ZNF714: variants seen among roughly 807,000 people sequenced by gnomAD.
The protein encoded by ZNF714 is zinc finger protein 714.
In ZNF714, 32 loss-of-function variants were observed where a neutral mutation model predicts 46.2. The ratio of observed to expected loss-of-function variants is 0.69; its 90% CI spans 0.52 to 0.93. The LOEUF (loss-of-function observed/expected upper bound fraction) is 0.93, where lower values mean the gene tolerates loss of function less well. ZNF714 is among the 40% of genes least tolerant of loss of function. The pLI, the probability that ZNF714 is intolerant of heterozygous loss-of-function variation, is 0.00. For missense variants in ZNF714, 635 were observed against 646.3 expected, an observed-to-expected ratio of 0.98 and a Z score of 0.19; for synonymous variants, 199 against 213.1, an observed-to-expected ratio of 0.93 and a Z score of 0.58.
intron 4 of ZNF714, among the ~76,000 whole-genome samples, chr19:21,102,788 G>A (rs1301235041): frequency 2.6e-5 from 4 of 152,038 alleles, no homozygotes; most frequent in African/African-American, 9.7e-5. Flanking sequence ...GATTTTATGA[G>A]TAAACATGTC....
chr19:21,108,567 G>A (rs544569903), intron 4 of ZNF714, among the ~76,000 whole-genome samples: 6 of 152,248 alleles, frequency 3.9e-5, no homozygotes, highest in Admixed American at 2.6e-4. Context: ...TTCACCTCAC[G>A]CTTGCCGTCT....
intron 2 of ZNF714, among the ~76,000 whole-genome samples, chr19:21,089,733 C>T (rs2144826043): frequency 6.6e-6 from 1 of 152,202 alleles, no homozygotes; most frequent in South Asian, 2.1e-4. Context: ...TACAGAAAGA[C>T]AAATTTATAG....
At position 21,122,159 on chromosome 19, in the gene ZNF714, G is replaced by A. The variant is rs1276821303; in HGVS notation, c.*3827G>A. 6.6e-6 allele frequency: 1 copy of A among 152,084 alleles called. No individual in the cohort carries two copies. 9.4% of individuals were successfully genotyped at this position (152,084 alleles called of 1,614,324 possible). A position where few individuals can be genotyped will look rare whatever the true frequency, so the allele number is the denominator to read the frequency against. On this transcript the variant is annotated 3_prime_UTR_variant, in exon 5 of 5. Transcript: ENST00000456283. ...ACTGGGGGGCTTCATAAGTCATGAG[G>A]ATGTTTTTATATATAAATGTAGCAA...
chr19:21,098,974 A>AG (rs1969108227), intron 4 of ZNF714, 64 bp downstream of exon 4: 6 of 1,023,006 alleles, frequency 5.9e-6, no homozygotes, highest in South Asian at 3.7e-5. Flanking sequence ...AAAAAAAAAA[A>AG]GCAAGCCGGC....
At chr19:21,094,935 T>C (rs2144836125) in intron 2 of ZNF714, among the ~76,000 whole-genome samples, 1 of 152,350 alleles carries the variant, frequency 6.6e-6, no homozygotes, top group Non-Finnish European at 1.5e-5. Context: ...ACATGCTTGT[T>C]AGCCACATGT....
intron 2 of ZNF714, among the ~76,000 whole-genome samples, chr19:21,093,578 C>T (rs1218323949): frequency 1.3e-5 from 2 of 151,958 alleles, no homozygotes; most frequent in African/African-American, 4.8e-5. Context: ...GCCACATAAT[C>T]TTCCATCATG....
intron 4 of ZNF714, among the ~76,000 whole-genome samples, chr19:21,115,854 G>T (rs1969584286): frequency 6.7e-6 from 1 of 149,890 alleles, no homozygotes; most frequent in Non-Finnish European, 1.5e-5. Context: ...CTGTTTTTTG[G>T]ATATTTTAAA....
At position 21,116,956 on chromosome 19, in the gene ZNF714, T is replaced by C. The variant is rs748890835; in HGVS notation, c.292T>C (p.Tyr98His). Residue 98 changes from tyrosine to histidine, a missense_variant, in exon 5 of 5, where the codon TAC (tyrosine) becomes CAC (histidine). Transcript: ENST00000456283. ...GSANVVECKVYKKGYNELNQC... is the reference protein window; with the variant it reads ...GSANVVECKVHKKGYNELNQC... ...CGCAAATGTGGTTGAGTGTAAGGTG[T>C]ACAAAAAAGGTTATAATGAACTAAA... 13 of 1,609,954 alleles carry C rather than the reference T, an allele frequency of 8.1e-6. No individual in the cohort carries two copies. Among genetic ancestry groups the C allele is most frequent in the Non-Finnish European group, 1.0e-5 (12 of 1,179,428 alleles).
At chr19:21,115,462 G>A (rs1222587177) in intron 4 of ZNF714, among the ~76,000 whole-genome samples, 1 of 151,864 alleles carries the variant, frequency 6.6e-6, no homozygotes, top group East Asian at 1.9e-4. Flanking sequence ...GGCATATGAA[G>A]TGCCAATATT....
intron 1 of ZNF714, 130 bp downstream of exon 1, chr19:21,082,478 C>T (rs1291310692): frequency 6.4e-6 from 6 of 940,624 alleles, no homozygotes; most frequent in Middle Eastern, 2.6e-4. Flanking sequence ...TCTCCTTGCT[C>T]AGCTCGGCCT....
chr19:21,098,004 C>T (rs1489757367), intron 2 of ZNF714, among the ~76,000 whole-genome samples, 181 bp from the exon 3 acceptor site: 1 of 152,162 alleles, frequency 6.6e-6, no homozygotes, highest in Non-Finnish European at 1.5e-5. Context: ...TTATGCCATT[C>T]TCTGCCCTCA....
In ZNF714 at chr19:21,117,711, CT is replaced by C. The variant is rs1453903329; in HGVS notation, c.1050del (p.Phe350LeufsTer12). ...ACAAATGTGAAGAATGTGGCAAAGC[CT>C]TTAATGTGTCTTCACACCTTACTAC... ...PYKCEECGKA[F>X]NVSSHLTTHK... On this transcript the variant is annotated frameshift_variant, in exon 5 of 5. Transcript: ENST00000456283. LOFTEE classifies it high-confidence loss of function. 1 of 1,602,436 alleles carries C rather than the reference CT, an allele frequency of 6.2e-7. No individual in the cohort carries two copies. The highest frequency in any genetic ancestry group is 8.5e-7 in the Non-Finnish European group (1 of 1,174,768).
rs559759939 is a variant in ZNF714, at chr19:21,120,137, T to G, written c.*1805T>G. 2 of 152,248 alleles carry G rather than the reference T, an allele frequency of 1.3e-5. No individual in the cohort carries two copies. The highest frequency in any genetic ancestry group is 4.8e-5 in the African/African-American group (2 of 41,532). 9.4% of individuals were successfully genotyped at this position (152,248 alleles called of 1,614,324 possible). On this transcript the variant is annotated 3_prime_UTR_variant, in exon 5 of 5. Coordinates refer to ENST00000456283, the MANE Select transcript of ZNF714 (RefSeq NM_182515.4). ...GCTCACTGCAACCTTCAATTTCCAG[T>G]TTCAAGCGATTCTCCTCCCTCAGCC...
intron 2 of ZNF714, chr19:21,091,724 G>A (rs532813241): frequency 6.6e-6 from 1 of 151,202 alleles, no homozygotes; most frequent in Non-Finnish European, 1.5e-5. Flanking sequence ...GACTTTTCCT[G>A]GGTTGTACTT....
chr19:21,110,824 C>T (rs375509935), intron 4 of ZNF714, among the ~76,000 whole-genome samples: 1 of 152,152 alleles, frequency 6.6e-6, no homozygotes, highest in African/African-American at 2.4e-5. Flanking sequence ...GTTCTCCCAG[C>T]ACCATTTATT....
intron 2 of ZNF714, among the ~76,000 whole-genome samples, chr19:21,088,346 A>G (rs1182662367): frequency 1.3e-5 from 2 of 152,160 alleles, no homozygotes; most frequent in Non-Finnish European, 2.9e-5. Flanking sequence ...CTTTTCTTAT[A>G]TAAAATCTCT....
chr19:21,117,935 T>G lies in ZNF714; in HGVS notation c.1271T>G (p.Leu424Arg). ...KHKIIHTGEK[L>R]YKCEECGKAF... ...AAGATAATTCATACTGGAGAGAAACTCTACAAATGTGAAGAATGTGGCAAA... is the reference window on the plus strand; with the variant it reads ...AAGATAATTCATACTGGAGAGAAACGCTACAAATGTGAAGAATGTGGCAAA... The change falls in exon 5 of 5, where the codon CTC becomes CGC. Residue 424 changes from leucine to arginine, a missense_variant. Leu to Arg is a moderately radical substitution (Grantham distance 102, BLOSUM62 -2). Coordinates refer to ENST00000456283, the MANE Select transcript of ZNF714 (RefSeq NM_182515.4). The G allele has an allele frequency of 6.4e-7, 1 of 1,567,686 alleles. No homozygotes were observed. The highest frequency in any genetic ancestry group is 1.6e-5 in the African/African-American group (1 of 62,426).
chr19:21,112,849 G>C (rs1347510673), intron 4 of ZNF714, among the ~76,000 whole-genome samples: 1 of 20,780 alleles, frequency 4.8e-5, no homozygotes, highest in East Asian at 3.0e-3. Context: ...TTGAGACGGA[G>C]TCTCGCTCTG....
At chr19:21,101,262 C>T (rs1969173882) in intron 4 of ZNF714, among the ~76,000 whole-genome samples, 1 of 152,172 alleles carries the variant, frequency 6.6e-6, no homozygotes, top group African/African-American at 2.4e-5. Context: ...TATCTGGTTT[C>T]AGGAGGTAAA....
Sources: allele counts gnomAD v4.1 joint callset (sites outside exome capture counted in the v4.1 genomes callset), GRCh38; gene constraint gnomAD v4.1.1; transcripts MANE v1.5; gene names NCBI Gene and HGNC (gene_info 2026-07-23, HGNC 2026-07-21).